CD82: variants seen among roughly 807,000 people sequenced by gnomAD.
CD82 encodes CD82 molecule, also known as CD82 antigen.
In CD82, 36 loss-of-function variants were observed where a neutral mutation model predicts 37.4. That is an observed-to-expected ratio of 0.96 (90% CI 0.74 to 1.27). CD82 has a LOEUF of 1.27. Among genes scored for constraint, CD82 ranks in the 50% most tolerant of loss-of-function variants. The pLI is 0.00. For missense variants in CD82, 340 were observed against 347.0 expected (o/e 0.98, Z 0.16); for synonymous variants, 158 against 137.4 (o/e 1.15, Z -1.05).
intron 1 of CD82, among the ~76,000 whole-genome samples, chr11:44,586,895 G>T (rs2134641618): frequency 6.6e-6 from 1 of 152,312 alleles, no homozygotes; most frequent in East Asian, 1.9e-4. Context: ...CAGGGTGAGT[G>T]GCACAGGTGC....
intron 1 of CD82, among the ~76,000 whole-genome samples, chr11:44,573,541 G>A (rs1852845048): frequency 6.6e-6 from 1 of 152,180 alleles, no homozygotes; most frequent in Non-Finnish European, 1.5e-5. Context: ...AGTAACTGAG[G>A]CAGGGAGGAT....
intron 2 of CD82, among the ~76,000 whole-genome samples, chr11:44,593,458 C>T (rs571420597): frequency 3.9e-5 from 6 of 152,328 alleles, no homozygotes; most frequent in African/African-American, 1.2e-4. Context: ...TGAAGGCTGG[C>T]GGCTGGCACT....
intron 2 of CD82, 72 bp from the exon 3 acceptor site, chr11:44,594,571 C>A: frequency 1.1e-6 from 1 of 923,512 alleles, no homozygotes; most frequent in South Asian, 1.3e-5. Flanking sequence ...GGTTAGTACC[C>A]ACCTCCTGGG....
At chr11:44,617,210 G>C (rs1200209210) in intron 7 of CD82, among the ~76,000 whole-genome samples, 1 of 152,146 alleles carries the variant, frequency 6.6e-6, no homozygotes, top group Non-Finnish European at 1.5e-5. Flanking sequence ...TTAGCACACA[G>C]AGCCCGGAAA....
At chr11:44,600,306 A>T in intron 4 of CD82, 76 bp downstream of exon 4, 1 of 1,387,062 alleles carries the variant, frequency 7.2e-7, no homozygotes, top group Non-Finnish European at 1.0e-6. Context: ...AGCTGCTCCC[A>T]TAAGTGCTTC....
intron 1 of CD82, among the ~76,000 whole-genome samples, chr11:44,574,703 T>C (rs1276644853): frequency 2.0e-5 from 3 of 152,184 alleles, no homozygotes; most frequent in African/African-American, 7.2e-5. Flanking sequence ...GTTTGGTGTT[T>C]TGGCCTTAAA....
chr11:44,577,287 ACT>A (rs775564270), intron 1 of CD82, among the ~76,000 whole-genome samples: 2 of 152,052 alleles, frequency 1.3e-5, no homozygotes, highest in Non-Finnish European at 2.9e-5. Context: ...AATTTTCCAG[ACT>A]CTCACACATG....
At chr11:44,582,801 G>A (rs61881365) in intron 1 of CD82, among the ~76,000 whole-genome samples, 10,655 of 152,232 alleles carry the variant, frequency 0.07, 458 homozygotes, top group Middle Eastern at 0.15. Context: ...TGTTGAGATG[G>A]TTATCTCTGG....
intron 2 of CD82, among the ~76,000 whole-genome samples, chr11:44,594,228 AGG>A (rs1455462802): frequency 6.6e-6 from 1 of 152,082 alleles, no homozygotes; most frequent in Non-Finnish European, 1.5e-5. Flanking sequence ...CTAGTCCCAG[AGG>A]GAGTCTGTGG....
At chr11:44,593,539 C>T (rs2084761737) in intron 2 of CD82, among the ~76,000 whole-genome samples, 1 of 152,224 alleles carries the variant, frequency 6.6e-6, no homozygotes, top group Non-Finnish European at 1.5e-5. Flanking sequence ...TCCCGGGGCC[C>T]TCCCCTCACC....
At chr11:44,583,594 G>T (rs1367865306) in intron 1 of CD82, among the ~76,000 whole-genome samples, 1 of 152,138 alleles carries the variant, frequency 6.6e-6, no homozygotes, top group Non-Finnish European at 1.5e-5. Context: ...CATTTACCTT[G>T]TTCATTTGGG....
At chr11:44,617,563 A>C (rs1435061351) in intron 7 of CD82, among the ~76,000 whole-genome samples, 1 of 108,212 alleles carries the variant, frequency 9.2e-6, no homozygotes. Context: ...TGTCTCAGAA[A>C]AAAAAAAAAA....
chr11:44,604,111 C>T (rs544460658), intron 4 of CD82, among the ~76,000 whole-genome samples: 1 of 152,316 alleles, frequency 6.6e-6, no homozygotes, highest in East Asian at 1.9e-4. Flanking sequence ...CTGCAGTTAG[C>T]CAGCTTTGGT....
intron 7 of CD82, among the ~76,000 whole-genome samples, chr11:44,616,190 C>T (rs187227084): frequency 1.3e-5 from 2 of 152,012 alleles, no homozygotes; most frequent in African/African-American, 2.4e-5. Flanking sequence ...CCTGACTCAG[C>T]GGCACCAGGA....
At chr11:44,614,002 T>G (rs1487627635) in intron 6 of CD82, among the ~76,000 whole-genome samples, 1 of 111,784 alleles carries the variant, frequency 8.9e-6, no homozygotes, top group Non-Finnish European at 2.0e-5. Flanking sequence ...TGTTGTTGTT[T>G]TTGTTGTTGT....
intron 1 of CD82, among the ~76,000 whole-genome samples, chr11:44,585,898 C>T (rs1334539166): frequency 6.6e-6 from 1 of 152,228 alleles, no homozygotes; most frequent in African/African-American, 2.4e-5. Context: ...TGATATTGCT[C>T]TGGGGTAACA....
intron 1 of CD82, among the ~76,000 whole-genome samples, chr11:44,573,548 G>A (rs1182363601): frequency 5.9e-5 from 9 of 152,218 alleles, no homozygotes; most frequent in Admixed American, 5.9e-4. Flanking sequence ...GAGGCAGGGA[G>A]GATGTGTCCT....
intron 6 of CD82, among the ~76,000 whole-genome samples, chr11:44,611,170 A>G (rs1189751106): frequency 6.6e-6 from 1 of 151,948 alleles, no homozygotes; most frequent in African/African-American, 2.4e-5. Flanking sequence ...GGGGCCCTGC[A>G]TTTTTGCTTT....
chr11:44,571,583 AT>A (rs1034579531), intron 1 of CD82, among the ~76,000 whole-genome samples: 2 of 150,750 alleles, frequency 1.3e-5, no homozygotes, highest in Admixed American at 6.6e-5. Flanking sequence ...TTTTATTTTT[AT>A]TTTTTTTTGA....
Sources: gnomAD v4.1 joint callset for allele counts (sites outside exome capture counted in the v4.1 genomes callset) on GRCh38, gnomAD v4.1.1 for gene constraint, MANE v1.5 for transcripts, NCBI Gene and HGNC (gene_info 2026-07-23, HGNC 2026-07-21) for gene names.